Variants in MAP3K20 observed in about 807,000 individuals in gnomAD.
The protein encoded by MAP3K20 is HCCS-4.
In MAP3K20, 40 loss-of-function variants were observed where a neutral mutation model predicts 85.7. The ratio of observed to expected loss-of-function variants is 0.47; its 90% CI spans 0.36 to 0.61. The LOEUF (loss-of-function observed/expected upper bound fraction) is 0.61. Ranked by LOEUF, MAP3K20 falls within the 20% of genes least tolerant of loss-of-function variation. The probability of loss-of-function intolerance (pLI) is 0.00; values close to 1 mark genes in which losing one functional copy is unlikely to be tolerated. For missense variants in MAP3K20, 817 were observed against 961.7 expected (o/e 0.85, Z 1.99); for synonymous variants, 325 against 327.7 (o/e 0.99, Z 0.09).
intron 2 of MAP3K20, among the ~76,000 whole-genome samples, chr2:173,097,110 G>A (rs1574009357): frequency 6.6e-6 from 1 of 152,246 alleles, no homozygotes; most frequent in East Asian, 1.9e-4. Flanking sequence ...GCCTAGTGCA[G>A]TGGCTCACGC....
chr2:173,107,643 T>C (rs1687820245), intron 2 of MAP3K20, among the ~76,000 whole-genome samples: 2 of 152,236 alleles, frequency 1.3e-5, no homozygotes, highest in African/African-American at 4.8e-5. Flanking sequence ...TTTAAGAGCC[T>C]GGGCTTTAGC....
chr2:173,223,070 C>T, intron 11 of MAP3K20: 6 of 985,348 alleles, frequency 6.1e-6, no homozygotes, highest in Non-Finnish European at 7.2e-6. Flanking sequence ...CATTAAAAGC[C>T]TCTTGGAATT....
At chr2:173,144,519 AAAAG>A in intron 2 of MAP3K20, among the ~76,000 whole-genome samples, 1 of 147,974 alleles carries the variant, frequency 6.8e-6, no homozygotes, top group Non-Finnish European at 1.5e-5. Flanking sequence ...GAAAAGAAAA[AAAAG>A]AGAAAAGAAA....
chr2:173,134,424 A>ATTTTTTTTTTTTTT (rs1315509260), intron 2 of MAP3K20, among the ~76,000 whole-genome samples: 2 of 5,036 alleles, frequency 4.0e-4, no homozygotes, highest in Admixed American at 2.8e-3. Context: ...ATATATATAT[A>ATTTTTTTTTTTTTT]TATATTTTTT....
intron 2 of MAP3K20, among the ~76,000 whole-genome samples, chr2:173,129,940 A>G (rs1440680198): frequency 1.3e-5 from 2 of 152,346 alleles, no homozygotes; most frequent in Non-Finnish European, 1.5e-5. Context: ...AAATGAATGC[A>G]GATACTCACT....
At chr2:173,218,233 A>C (rs1325957267) in intron 11 of MAP3K20, among the ~76,000 whole-genome samples, 1 of 152,232 alleles carries the variant, frequency 6.6e-6, no homozygotes, top group African/African-American at 2.4e-5. Flanking sequence ...CCAATTGCAA[A>C]GTATTTTCCA....
chr2:173,203,813 C>T lies in MAP3K20; in HGVS notation c.687C>T (p.Ser229=), dbSNP rs1238046804. 1.9e-6 allele frequency: 3 copies of T among 1,613,540 alleles called. No homozygotes were observed. The highest frequency in any genetic ancestry group is 2.7e-5 in the African/African-American group (2 of 74,902). The stretch of plus-strand genomic sequence containing the variant: ...TATTGTAGAGATTAACCATTCCAAG[C>T]AGTTGCCCCAGAAGTTTTGCTGAAC... The part of the protein sequence containing the change: ...VEKNERLTIP[S]SCPRSFAELL... The change falls in exon 9 of 20, where the codon AGC becomes AGT. Residue 229 remains serine (S), a synonymous_variant. Transcript: ENST00000375213.
In MAP3K20 at chr2:173,203,804, C is replaced by T. The variant is rs770866264; in HGVS notation, c.678C>T (p.Thr226=). The change falls in exon 9 of 20, where the codon ACC becomes ACT. Residue 226 remains threonine, a synonymous_variant. Coordinates refer to ENST00000375213, the MANE Select transcript of MAP3K20 (RefSeq NM_016653.3). ...CCCTCTGTCTATTGTAGAGATTAAC[C>T]ATTCCAAGCAGTTGCCCCAGAAGTT... The part of the protein sequence containing the change: ...WLVVEKNERL[T]IPSSCPRSFA... 7 of 1,613,304 alleles carry T rather than the reference C, an allele frequency of 4.3e-6. No individual in the cohort carries two copies. In the African/African-American group the frequency reaches 8.0e-5, roughly 18 times the overall value.
Position 173,198,271 on chromosome 2 carries a change from A to C in MAP3K20, c.669+159A>C. 1.8e-6 allele frequency: 1 copy of C among 561,628 alleles called. No homozygotes were observed. The highest frequency in any genetic ancestry group is 2.2e-5 in the South Asian group (1 of 45,660). The allele number at this position is 561,628 out of a possible 1,614,324, so 34.8% of individuals were successfully genotyped here. A position where few individuals can be genotyped will look rare whatever the true frequency, so the allele number is the denominator to read the frequency against. ...AAGGGTCAAAGTGATGTTATTCCTCATGAATGGACCCTTTACATCTAATTG... is the reference window on the plus strand; with the variant it reads ...AAGGGTCAAAGTGATGTTATTCCTCCTGAATGGACCCTTTACATCTAATTG... On this transcript the variant is annotated intron_variant, in intron 8 of 19. Transcript: ENST00000375213. The surrounding 1 kb of genome is among the most constrained non-coding windows in gnomAD (Gnocchi z 5.8).
chr2:173,094,472 T>C (rs1005486343), intron 2 of MAP3K20, among the ~76,000 whole-genome samples: 4 of 152,222 alleles, frequency 2.6e-5, no homozygotes, highest in Admixed American at 1.3e-4. Context: ...ACTTTTGCAA[T>C]GCGAGCTTTT....
rs565126204 is a variant in MAP3K20 at position 173,076,086 on chromosome 2, G to C, written c.-35+84G>C. 3.7e-5 allele frequency: 35 copies of C among 937,616 alleles called. No homozygotes were observed. The African/African-American group carries it at 5.7e-4, about 15-fold the overall frequency. 58.1% of individuals were successfully genotyped at this position (937,616 alleles called of 1,614,324 possible). On this transcript the variant is annotated intron_variant, in intron 1 of 19. Coordinates refer to ENST00000375213, the MANE Select transcript of MAP3K20 (RefSeq NM_016653.3). ...CTCGCGAGTCGTCCCTGCGTCTCGG[G>C]GCCGAGGCTCCGCCGGAGCCCGGGA... is the stretch of plus-strand genomic sequence containing the variant.
At chr2:173,148,892 C>G (rs1689215367) in intron 2 of MAP3K20, among the ~76,000 whole-genome samples, 1 of 152,196 alleles carries the variant, frequency 6.6e-6, no homozygotes, top group African/African-American at 2.4e-5. Flanking sequence ...AATACCTCTG[C>G]CTTCACTCTG....
At chr2:173,075,719 C>A, upstream of MAP3K20, 1 of 985,298 alleles carries the variant, frequency 1.0e-6, no homozygotes, top group Middle Eastern at 5.2e-4. Context: ...CGGATGGTGC[C>A]CCCCGGGCGC....
chr2:173,221,568 A>G (rs1214504097), intron 11 of MAP3K20: 2 of 1,459,770 alleles, frequency 1.4e-6, no homozygotes, highest in Non-Finnish European at 1.8e-6. Context: ...AAATGTTTGG[A>G]AAACACAAAA....
chr2:173,084,200 T>C lies in MAP3K20; in HGVS notation c.-34-6798T>C, dbSNP rs538230552. Among the ~76,000 whole-genome samples, 5 of 152,310 alleles carry C rather than the reference T, an allele frequency of 3.3e-5. No homozygotes were observed. In the South Asian group the frequency reaches 1.0e-3, roughly 32 times the overall value. On this transcript the variant is annotated intron_variant, in intron 1 of 19. Transcript: ENST00000375213. Reference sequence around the variant, plus strand: ...CTGGGATTGCAGGTGTGAGCCACTGTGCCCGGCCAAAGTAGATTTAATTTT... The same window carrying C: ...CTGGGATTGCAGGTGTGAGCCACTGCGCCCGGCCAAAGTAGATTTAATTTT...
chr2:173,119,576 G>A (rs946220580), intron 2 of MAP3K20, among the ~76,000 whole-genome samples: 21 of 152,198 alleles, frequency 1.4e-4, no homozygotes, highest in Admixed American at 1.3e-3. Flanking sequence ...ACAGGGCCTA[G>A]CTCCAGTATC....
chr2:173,219,873 C>T (rs1185881656), intron 11 of MAP3K20, among the ~76,000 whole-genome samples: 2 of 151,976 alleles, frequency 1.3e-5, no homozygotes, highest in South Asian at 2.1e-4. Context: ...TCAAGACCAG[C>T]CTGGACAGCA....
At chr2:173,147,679 C>T (rs745553973) in intron 2 of MAP3K20, among the ~76,000 whole-genome samples, 8 of 152,238 alleles carry the variant, frequency 5.3e-5, no homozygotes, top group Non-Finnish European at 8.8e-5. Context: ...CTCCGCCTCC[C>T]GGGTTCAAGT....
At chr2:173,110,342 C>T (rs1687934658) in intron 2 of MAP3K20, among the ~76,000 whole-genome samples, 1 of 142,786 alleles carries the variant, frequency 7.0e-6, no homozygotes, top group Non-Finnish European at 1.5e-5. Context: ...CAGCCCTGAC[C>T]TCCTGGGCTC....
Sources: allele counts gnomAD v4.1 joint callset (sites outside exome capture counted in the v4.1 genomes callset), GRCh38; gene constraint gnomAD v4.1.1; non-coding constraint Gnocchi (gnomAD v3.1); transcripts MANE v1.5; gene names NCBI Gene and HGNC (gene_info 2026-07-23, HGNC 2026-07-21).